DGKI: variants seen among roughly 807,000 people sequenced by gnomAD.
DGKI encodes diacylglycerol kinase iota, also known as DAG kinase iota.
DGKI carries 55 observed loss-of-function variants against 147.5 expected under a neutral mutation model. That is an observed-to-expected ratio of 0.37 (90% CI 0.30 to 0.47). The LOEUF (loss-of-function observed/expected upper bound fraction) is 0.47, where lower values mean the gene tolerates loss of function less well. Ranked by LOEUF, DGKI falls within the 20% of genes least tolerant of loss-of-function variation. The pLI is 1.00. For synonymous variants in DGKI, 469 were observed against 477.1 expected, an observed-to-expected ratio of 0.98 and a Z score of 0.22; for missense variants, 1,007 against 1,323.8, an observed-to-expected ratio of 0.76 and a Z score of 3.71.
At chr7:137,712,318 C>T (rs1794241234) in intron 1 of DGKI, among the ~76,000 whole-genome samples, 1 of 151,956 alleles carries the variant, frequency 6.6e-6, no homozygotes, top group Non-Finnish European at 1.5e-5. Context: ...TTGTTGTATC[C>T]TACTATATAT....
chr7:137,604,978 T>C (rs886286881), intron 10 of DGKI, among the ~76,000 whole-genome samples: 2 of 152,152 alleles, frequency 1.3e-5, no homozygotes, highest in African/African-American at 4.8e-5. Context: ...GAGTAAACTT[T>C]ATGTTACACT....
intron 28 of DGKI, among the ~76,000 whole-genome samples, chr7:137,417,994 G>A (rs1319509105): frequency 1.3e-5 from 2 of 152,170 alleles, no homozygotes; most frequent in East Asian, 3.8e-4. Flanking sequence ...TGTCCTAGCA[G>A]CAGGAACAGA....
At chr7:137,410,422 T>A (rs1458583410) in intron 29 of DGKI, among the ~76,000 whole-genome samples, 49 of 152,140 alleles carry the variant, frequency 3.2e-4, no homozygotes, top group Admixed American at 1.3e-3. Context: ...AAAAACAAAA[T>A]AAGGTGTTAT....
At chr7:137,467,864 G>T (rs1814719685) in intron 24 of DGKI, among the ~76,000 whole-genome samples, 1 of 151,648 alleles carries the variant, frequency 6.6e-6, no homozygotes, top group Non-Finnish European at 1.5e-5. Flanking sequence ...TGCCCCTGTG[G>T]TCCCAGCTAC....
chr7:137,805,993 G>A (rs1013114118), intron 1 of DGKI, among the ~76,000 whole-genome samples: 6 of 152,234 alleles, frequency 3.9e-5, no homozygotes, highest in Admixed American at 3.9e-4. Flanking sequence ...ATTTGAGCCA[G>A]ATAAGAGCAA....
chr7:137,513,160 T>C lies in DGKI; in HGVS notation c.2248+8706A>G, dbSNP rs562917480. Among the ~76,000 whole-genome samples, 9 of 152,226 alleles carry C rather than the reference T, an allele frequency of 5.9e-5. No individual in the cohort carries two copies. In the East Asian group the frequency reaches 1.7e-3, roughly 29 times the overall value. On this transcript the variant is annotated intron_variant, in intron 21 of 32. Coordinates refer to ENST00000614521, the MANE Select transcript of DGKI (RefSeq NM_001321708.2). ...CTTGCTTCTTCTTTTCCTGAGAAAA[T>C]AAAAGCAATCAGAATAGAACTTCTG... is the stretch of plus-strand genomic sequence containing the variant.
intron 1 of DGKI, among the ~76,000 whole-genome samples, chr7:137,728,109 G>A (rs368120222): frequency 1.3e-5 from 2 of 152,184 alleles, no homozygotes; most frequent in East Asian, 1.9e-4. Flanking sequence ...ATGGTTTTCT[G>A]CAGAATGTCT....
At chr7:137,502,088 T>C (rs1050513745) in intron 21 of DGKI, among the ~76,000 whole-genome samples, 3 of 152,200 alleles carry the variant, frequency 2.0e-5, no homozygotes, top group African/African-American at 7.2e-5. Flanking sequence ...TTTCCAGCCA[T>C]GTGGAACTGT....
intron 1 of DGKI, among the ~76,000 whole-genome samples, chr7:137,774,186 A>C (rs1796293797): frequency 6.6e-6 from 1 of 152,164 alleles, no homozygotes; most frequent in South Asian, 2.1e-4. Context: ...CAGATTCAGG[A>C]TTGAATAAAA....
chr7:137,455,350 A>C (rs1218740502), intron 27 of DGKI, among the ~76,000 whole-genome samples: 2 of 152,186 alleles, frequency 1.3e-5, no homozygotes, highest in African/African-American at 4.8e-5. Flanking sequence ...TAATGAATGC[A>C]GATAAATCAT....
intron 3 of DGKI, among the ~76,000 whole-genome samples, chr7:137,674,663 G>A (rs1034240172): frequency 1.3e-5 from 2 of 152,104 alleles, no homozygotes; most frequent in African/African-American, 2.4e-5. Context: ...GCTCATGCAC[G>A]GCTCATGATT....
intron 24 of DGKI, among the ~76,000 whole-genome samples, 156 bp downstream of exon 24, chr7:137,469,394 G>T (rs1814791882): frequency 6.6e-6 from 1 of 152,186 alleles, no homozygotes; most frequent in South Asian, 2.1e-4. Context: ...AATATCAGCA[G>T]GCCCACATTG....
intron 27 of DGKI, among the ~76,000 whole-genome samples, chr7:137,455,215 C>T (rs898291243): frequency 2.6e-5 from 4 of 152,088 alleles, no homozygotes; most frequent in Non-Finnish European, 5.9e-5. Flanking sequence ...TCCCACCCCA[C>T]CCTTCTCAGG....
intron 2 of DGKI, among the ~76,000 whole-genome samples, chr7:137,680,754 C>A (rs1823206798): frequency 6.6e-6 from 1 of 151,650 alleles, no homozygotes; most frequent in Non-Finnish European, 1.5e-5. Flanking sequence ...GCACTCCAGT[C>A]TGGGCAATGG....
intron 21 of DGKI, among the ~76,000 whole-genome samples, chr7:137,505,991 A>T (rs1816354920): frequency 6.6e-6 from 1 of 152,164 alleles, no homozygotes; most frequent in African/African-American, 2.4e-5. Flanking sequence ...CAATAGGAAC[A>T]TTCATTCATT....
chr7:137,560,189 A>G (rs1646397), intron 19 of DGKI, among the ~76,000 whole-genome samples: 16,635 of 152,204 alleles, frequency 0.11, 2,055 homozygotes, highest in African/African-American at 0.3. Flanking sequence ...ATTATTGCTG[A>G]GTGAACTTAA....
At chr7:137,663,978 C>A (rs1342416675) in intron 3 of DGKI, among the ~76,000 whole-genome samples, 1 of 152,126 alleles carries the variant, frequency 6.6e-6, no homozygotes, top group African/African-American at 2.4e-5. Context: ...GAGACAAAAC[C>A]CCCACCGGGA....
Position 137,394,946 on chromosome 7 carries a change from A to G in DGKI, c.3057+652T>C, listed in dbSNP as rs528680730. ...AAGCCTCAGCTACTGGTCCAAGGGT[A>G]TGTGTAACTTTCTCTAGGCTTTTAG... On this transcript the variant is annotated intron_variant, in intron 32 of 32. Transcript: ENST00000614521. Among the ~76,000 whole-genome samples the G allele has an allele frequency of 8.5e-5, 13 of 152,318 alleles. No individual in the cohort carries two copies. The South Asian group carries it at 1.7e-3, about 19-fold the overall frequency.
At position 137,462,632 on chromosome 7, in the gene DGKI, C is replaced by T. The variant is rs113246908; in HGVS notation, c.2735+857G>A. Among the ~76,000 whole-genome samples the T allele has an allele frequency of 7.6e-4, 115 of 152,274 alleles. 1 individual carries two copies. Among genetic ancestry groups the T allele is most frequent in the African/African-American group, 2.0e-3 (82 of 41,566 alleles). ...TAGTTAACCCTAGGATTCGAAGAATCTTCAGTTATCTTGTTATTCTGTCAA... is the reference window on the plus strand; with the variant it reads ...TAGTTAACCCTAGGATTCGAAGAATTTTCAGTTATCTTGTTATTCTGTCAA... On this transcript the variant is annotated intron_variant, in intron 27 of 32. Coordinates refer to ENST00000614521, the MANE Select transcript of DGKI (RefSeq NM_001321708.2).
Sources: allele counts gnomAD v4.1 joint callset (sites outside exome capture counted in the v4.1 genomes callset), GRCh38; gene constraint gnomAD v4.1.1; transcripts MANE v1.5; gene names NCBI Gene and HGNC (gene_info 2026-07-23, HGNC 2026-07-21).